The following EDIL3 variants were observed in gnomAD, a reference collection of about 807,000 sequenced individuals.
EDIL3 encodes EGF-like repeat and discoidin I-like domain-containing protein 3.
Under a neutral mutation model 67.4 loss-of-function variants are expected in EDIL3, and 37 were observed. The ratio of observed to expected loss-of-function variants is 0.55; its 90% CI spans 0.42 to 0.72. The LOEUF is 0.72. EDIL3 is among the 30% of genes least tolerant of loss of function. The pLI is 0.00. For missense variants in EDIL3, 527 were observed against 586.3 expected (o/e 0.90, Z 1.04); for synonymous variants, 195 against 196.3 (o/e 0.99, Z 0.05).
chr5:84,182,537 C>T (rs1434365523), intron 3 of EDIL3, among the ~76,000 whole-genome samples: 1 of 151,900 alleles, frequency 6.6e-6, no homozygotes, highest in African/African-American at 2.4e-5. Context: ...TCAAGCACTG[C>T]AATCGGACCT....
intron 9 of EDIL3, among the ~76,000 whole-genome samples, chr5:83,989,858 C>T (rs1302213658): frequency 6.6e-6 from 1 of 152,170 alleles, no homozygotes; most frequent in Non-Finnish European, 1.5e-5. Flanking sequence ...TGGCTTGATA[C>T]AGTCAGTGAC....
intron 1 of EDIL3, 133 bp downstream of exon 1, chr5:84,384,175 G>T: frequency 1.8e-6 from 2 of 1,110,406 alleles, no homozygotes; most frequent in Non-Finnish European, 1.3e-6. Flanking sequence ...AGGACTCGAC[G>T]CCTCCTCCGC....
chr5:84,002,301 C>T (rs1241943086), intron 9 of EDIL3, among the ~76,000 whole-genome samples: 1 of 136,304 alleles, frequency 7.3e-6, no homozygotes, highest in East Asian at 2.0e-4. Flanking sequence ...TAATAAAAGC[C>T]ATACGTGACA....
At chr5:84,180,579 G>A (rs1028872056) in intron 3 of EDIL3, 58 bp from the exon 4 acceptor site, 76 of 1,476,340 alleles carry the variant, frequency 5.1e-5, no homozygotes, top group Non-Finnish European at 6.5e-5. Flanking sequence ...TAGACATTAG[G>A]TCAACATTTT....
At chr5:84,250,331 A>T in intron 2 of EDIL3, among the ~76,000 whole-genome samples, 1 of 152,188 alleles carries the variant, frequency 6.6e-6, no homozygotes, top group South Asian at 2.1e-4. Flanking sequence ...GCAGAGAGAG[A>T]GAGAGAATGA....
chr5:84,371,864 C>A (rs544495062), intron 1 of EDIL3, among the ~76,000 whole-genome samples: 1 of 152,034 alleles, frequency 6.6e-6, no homozygotes, highest in Non-Finnish European at 1.5e-5. Flanking sequence ...ATAAATTAAA[C>A]AATAAACCAT....
intron 4 of EDIL3, among the ~76,000 whole-genome samples, chr5:84,154,130 A>G (rs1458874632): frequency 6.6e-6 from 1 of 152,196 alleles, no homozygotes; most frequent in Admixed American, 6.5e-5. Flanking sequence ...AAAATGAAAC[A>G]TGCAAAGCCT....
At chr5:84,048,146 T>C (rs1746258363) in intron 9 of EDIL3, 1 of 364,814 alleles carries the variant, frequency 2.7e-6, no homozygotes, top group Non-Finnish European at 5.3e-6. Context: ...ATCTTCTTTA[T>C]AGGTGAACCT....
At chr5:84,021,914 C>T (rs1244658532) in intron 9 of EDIL3, among the ~76,000 whole-genome samples, 1 of 151,844 alleles carries the variant, frequency 6.6e-6, no homozygotes, top group Non-Finnish European at 1.5e-5. Flanking sequence ...AATAAAAAGT[C>T]TCCCAACAAC....
chr5:84,246,087 T>G (rs998332631), intron 2 of EDIL3, among the ~76,000 whole-genome samples: 1 of 152,204 alleles, frequency 6.6e-6, no homozygotes, highest in Non-Finnish European at 1.5e-5. Flanking sequence ...ACCTATGTGT[T>G]TATCAACTTG....
intron 1 of EDIL3, among the ~76,000 whole-genome samples, chr5:84,369,958 A>T (rs1414985390): frequency 1.3e-5 from 2 of 152,214 alleles, no homozygotes; most frequent in Non-Finnish European, 1.5e-5. Context: ...TTGAAATTTT[A>T]AAACAAAGAC....
intron 9 of EDIL3, among the ~76,000 whole-genome samples, chr5:83,982,980 G>A (rs1744996621): frequency 6.6e-6 from 1 of 152,152 alleles, no homozygotes; most frequent in Admixed American, 6.6e-5. Flanking sequence ...CTCTTGAGTG[G>A]CTGCAACAGC....
intron 3 of EDIL3, among the ~76,000 whole-genome samples, chr5:84,229,577 A>G (rs1744524631): frequency 6.6e-6 from 1 of 151,608 alleles, no homozygotes; most frequent in Non-Finnish European, 1.5e-5. Context: ...TCATTTTCCA[A>G]TTTTCCTTAT....
rs567457527 is a variant in EDIL3, at chr5:83,950,772, T to C, written c.1294-7204A>G. Among the ~76,000 whole-genome samples, 116 of 151,942 alleles carry C rather than the reference T, an allele frequency of 7.6e-4. 1 individual carries two copies. Among genetic ancestry groups the C allele is most frequent in the South Asian group, 1.5e-3 (7 of 4,822 alleles). On this transcript the variant is annotated intron_variant, in intron 10 of 10. Coordinates refer to ENST00000296591, the MANE Select transcript of EDIL3 (RefSeq NM_005711.5). ...TTTCAGTAACAAAAAATCCAACTTC[T>C]TTATTCTCCTGTATTTCTTTAATAT...
At chr5:84,202,800 G>C (rs977496820) in intron 3 of EDIL3, among the ~76,000 whole-genome samples, 1 of 152,088 alleles carries the variant, frequency 6.6e-6, no homozygotes. Flanking sequence ...AGTCTCACAC[G>C]TACTATGAAC....
At chr5:84,382,748 C>T (rs184074727) in intron 1 of EDIL3, among the ~76,000 whole-genome samples, 1 of 152,192 alleles carries the variant, frequency 6.6e-6, no homozygotes, top group African/African-American at 2.4e-5. Context: ...ACTACTGGAA[C>T]CATTACCATT....
At chr5:83,944,529 G>A (rs1216466619) in intron 10 of EDIL3, among the ~76,000 whole-genome samples, 1 of 151,318 alleles carries the variant, frequency 6.6e-6, no homozygotes, top group African/African-American at 2.4e-5. Flanking sequence ...TCCCTGATAG[G>A]AATGGCATTA....
intron 1 of EDIL3, among the ~76,000 whole-genome samples, chr5:84,309,267 T>G (rs1746332241): frequency 6.6e-6 from 1 of 151,926 alleles, no homozygotes; most frequent in African/African-American, 2.4e-5. Flanking sequence ...AATGCTATCT[T>G]TCTTTGGTAG....
Position 83,963,214 on chromosome 5 carries a change from T to A in EDIL3, c.1284A>T (p.Arg428Ser), listed in dbSNP as rs1744634203. The A allele has an allele frequency of 6.3e-7, 1 of 1,594,346 alleles. No individual in the cohort carries two copies. The highest frequency in any genetic ancestry group is 2.3e-5 in the East Asian group (1 of 44,354). Residue 428 changes from arginine to serine, a missense_variant, in exon 10 of 11, where the codon AGA (arginine) becomes AGT (serine). Transcript: ENST00000296591. Reference sequence around the variant, plus strand: ...GATTTGGCTGACTTACCTTATCTTTTCTTTGCTTTTCATCCTGGTATACAG... The same window carrying A: ...GATTTGGCTGACTTACCTTATCTTTACTTTGCTTTTCATCCTGGTATACAG... ...HWTVYQDEKQ[R>S]KDKVFQGNFD...
Sources: allele counts gnomAD v4.1 joint callset (sites outside exome capture counted in the v4.1 genomes callset), GRCh38; gene constraint gnomAD v4.1.1; transcripts MANE v1.5; gene names NCBI Gene and HGNC (gene_info 2026-07-23, HGNC 2026-07-21).